TRAM1: variants seen among roughly 807,000 people sequenced by gnomAD.
The protein encoded by TRAM1 is translocation associated membrane protein 1.
A neutral mutation model predicts 48.7 loss-of-function variants in TRAM1; 17 were observed. The ratio of observed to expected loss-of-function variants is 0.35; its 90% CI spans 0.24 to 0.52. TRAM1 has a LOEUF of 0.52. Ranked by LOEUF, TRAM1 falls within the 20% of genes least tolerant of loss-of-function variation. The pLI, the probability that TRAM1 is intolerant of heterozygous loss-of-function variation, is 0.94. For synonymous variants in TRAM1, 182 were observed against 154.0 expected, an observed-to-expected ratio of 1.18 and a Z score of -1.34; for missense variants, 351 against 441.5, an observed-to-expected ratio of 0.79 and a Z score of 1.84.
chr8:70,586,913 T>C lies in TRAM1; in HGVS notation c.728A>G (p.Asn243Ser). The C allele has an allele frequency of 6.2e-7, 1 of 1,613,744 alleles. No individual in the cohort carries two copies. Among genetic ancestry groups the C allele is most frequent in the African/African-American group, 1.3e-5 (1 of 75,038 alleles). ...AACTTACCCTTTCTGATACTTTTCATTGCTAAAATAAAACAGGCGGGAAAT... is the reference window on the plus strand; with the variant it reads ...AACTTACCCTTTCTGATACTTTTCACTGCTAAAATAAAACAGGCGGGAAAT... ...FHISRLFYFS[N>S]EKYQKGFSLW... Residue 243 changes from asparagine to serine, a missense_variant, in exon 8 of 11, where the codon AAT becomes AGT. By Grantham distance (46) the Asn-to-Ser change is conservative (BLOSUM62 1). Transcript: ENST00000262213.
At chr8:70,606,167 T>C (rs1817713759) in intron 1 of TRAM1, among the ~76,000 whole-genome samples, 1 of 152,184 alleles carries the variant, frequency 6.6e-6, no homozygotes, top group Non-Finnish European at 1.5e-5. Context: ...AAGTATCAAA[T>C]TCAGAAAGTG....
chr8:70,607,635 G>C (rs1817773772), intron 1 of TRAM1: 1 of 302,764 alleles, frequency 3.3e-6, no homozygotes. Flanking sequence ...GCCCTCGCGG[G>C]GCTGACGCTC....
chr8:70,586,950 A>G lies in TRAM1; in HGVS notation c.691T>C (p.Phe231Leu), dbSNP rs974114119. Residue 231 changes from phenylalanine to leucine, a missense_variant, in exon 8 of 11, where the codon TTT (phenylalanine) becomes CTT (leucine). By Grantham distance (22) the Phe-to-Leu change is conservative. Transcript: ENST00000262213. The part of the protein sequence containing the change: ...VLLVLHYFVE[F>L]LFHISRLFYF... ...AACAGGCGGGAAATGTGGAAAAGAA[A>G]TTCAACAAAATAATGTAGCACCAGA... The G allele has an allele frequency of 6.2e-7, 1 of 1,613,808 alleles. No individual in the cohort carries two copies. The highest frequency in any genetic ancestry group is 8.5e-7 in the Non-Finnish European group (1 of 1,179,910).
At chr8:70,579,454 T>C (rs1163869848) in intron 10 of TRAM1, among the ~76,000 whole-genome samples, 1 of 152,232 alleles carries the variant, frequency 6.6e-6, no homozygotes, top group East Asian at 1.9e-4. Context: ...ACTATATAGT[T>C]TGAAACTACC....
intron 1 of TRAM1, among the ~76,000 whole-genome samples, chr8:70,605,368 C>T (rs534914913): frequency 7.9e-5 from 12 of 152,326 alleles, no homozygotes; most frequent in East Asian, 7.7e-4. Context: ...CTAACTTGAA[C>T]ATGAATCCCT....
In TRAM1 at chr8:70,574,250, CAAGA is replaced by C. The variant is rs750580987; in HGVS notation, c.*678_*681del. On this transcript the variant is annotated 3_prime_UTR_variant, in exon 11 of 11. Transcript: ENST00000262213. ...CCAGTTTACAAGTATTGAAAATGCACAAGAAAGATTTTACTTCACAAGTACTTTT... is the reference window on the plus strand; with the variant it reads ...CCAGTTTACAAGTATTGAAAATGCACAAGATTTTACTTCACAAGTACTTTT... 1.7e-5 allele frequency: 7 copies of C among 412,264 alleles called. No homozygotes were observed. The highest frequency in any genetic ancestry group is 2.8e-5 in the Non-Finnish European group (6 of 213,532). 25.5% of individuals were successfully genotyped at this position (412,264 alleles called of 1,614,324 possible).
intron 1 of TRAM1, among the ~76,000 whole-genome samples, chr8:70,601,210 T>TA (rs1817602136): frequency 6.6e-6 from 1 of 152,110 alleles, no homozygotes; most frequent in Non-Finnish European, 1.5e-5. Context: ...CCCTACCTGC[T>TA]AAAAATCCTT....
At chr8:70,589,459 GCCAGTGTTTC>G (rs1256889045) in intron 6 of TRAM1, among the ~76,000 whole-genome samples, 4 of 152,134 alleles carry the variant, frequency 2.6e-5, no homozygotes, top group Admixed American at 6.5e-5. Context: ...CTATATATAT[GCCAGTGTTTC>G]CCAGTGTGGT....
In TRAM1 at chr8:70,577,227, T is replaced by A. The variant is rs550933744; in HGVS notation, c.1052-2222A>T. Reference sequence around the variant, plus strand: ...CTTGGTGTGGGTCTGTAGGCACCCCTTGGCATGACCAGCCTAGGCACCACG... The same window carrying A: ...CTTGGTGTGGGTCTGTAGGCACCCCATGGCATGACCAGCCTAGGCACCACG... On this transcript the variant is annotated intron_variant, in intron 10 of 10. Transcript: ENST00000262213. Among the ~76,000 whole-genome samples, 40 of 152,218 alleles carry A rather than the reference T, an allele frequency of 2.6e-4. 1 individual carries two copies. The highest frequency in any genetic ancestry group is 9.4e-4 in the African/African-American group (39 of 41,544).
chr8:70,574,226 C>T lies in TRAM1; in HGVS notation c.*706G>A, dbSNP rs746190265. 2 of 407,142 alleles carry T rather than the reference C, an allele frequency of 4.9e-6. No homozygotes were observed. The highest frequency in any genetic ancestry group is 3.7e-5 in the South Asian group (2 of 54,564). The allele number at this position is 407,142 out of a possible 1,614,324, so 25.2% of individuals were successfully genotyped here. A position where few individuals can be genotyped will look rare whatever the true frequency, so the allele number is the denominator to read the frequency against. Reference sequence around the variant, plus strand: ...TTCATAGTAAATATTTTCTGATTTCCAGTTTACAAGTATTGAAAATGCACA... The same window carrying T: ...TTCATAGTAAATATTTTCTGATTTCTAGTTTACAAGTATTGAAAATGCACA... On this transcript the variant is annotated 3_prime_UTR_variant, in exon 11 of 11. Transcript: ENST00000262213.
In TRAM1 at chr8:70,580,488, T is replaced by C. The variant is rs140544140; in HGVS notation, c.1051+2676A>G. Among the ~76,000 whole-genome samples, 51 of 152,054 alleles carry C rather than the reference T, an allele frequency of 3.4e-4. No homozygotes were observed. In the East Asian group the frequency reaches 5.6e-3, roughly 17 times the overall value. ...TCAATAGATGCAGGAAAAAAAGCAATTGACAAAATCTAACAACCTTCCATG... is the reference window on the plus strand; with the variant it reads ...TCAATAGATGCAGGAAAAAAAGCAACTGACAAAATCTAACAACCTTCCATG... On this transcript the variant is annotated intron_variant, in intron 10 of 10. Coordinates refer to ENST00000262213, the MANE Select transcript of TRAM1 (RefSeq NM_014294.6).
At position 70,596,325 on chromosome 8, in the gene TRAM1, A is replaced by T; in HGVS notation, c.427-4T>A. On this transcript the variant is annotated splice_polypyrimidine_tract_variant and splice_region_variant and intron_variant, in intron 4 of 10. Coordinates refer to ENST00000262213, the MANE Select transcript of TRAM1 (RefSeq NM_014294.6). Reference sequence around the variant, plus strand: ...TTGGGTCTGAGATGTAGTTTTCCTAAGAAAGAAGATATAAAAATTAACCTG... The same window carrying T: ...TTGGGTCTGAGATGTAGTTTTCCTATGAAAGAAGATATAAAAATTAACCTG... 1 of 1,590,808 alleles carries T rather than the reference A, an allele frequency of 6.3e-7. No homozygotes were observed. The highest frequency in any genetic ancestry group is 8.5e-7 in the Non-Finnish European group (1 of 1,170,224).
Position 70,583,730 on chromosome 8 carries a change from C to A in TRAM1, c.810G>T (p.Leu270=). The change falls in exon 9 of 11, where the codon CTG becomes CTT. Residue 270 remains leucine, a synonymous_variant. Transcript: ENST00000262213. ...CTCTTGCAAGGCCAAAACCAACAGTCAGTACTGAAAGAATTAAAGTCAGAA... is the reference window on the plus strand; with the variant it reads ...CTCTTGCAAGGCCAAAACCAACAGTAAGTACTGAAAGAATTAAAGTCAGAA... ...GRLLTLILSV[L]TVGFGLARAE... The A allele has an allele frequency of 6.2e-7, 1 of 1,611,570 alleles. No homozygotes were observed. Among genetic ancestry groups the A allele is most frequent in the South Asian group, 1.1e-5 (1 of 90,642 alleles).
At chr8:70,599,436 A>G (rs1022802002) in intron 2 of TRAM1, among the ~76,000 whole-genome samples, 2 of 152,244 alleles carry the variant, frequency 1.3e-5, no homozygotes, top group Admixed American at 6.5e-5. Context: ...TTAAATTACA[A>G]TCAACTTCCA....
chr8:70,577,466 T>G (rs2132022597), intron 10 of TRAM1, among the ~76,000 whole-genome samples: 1 of 152,330 alleles, frequency 6.6e-6, no homozygotes, highest in South Asian at 2.1e-4. Flanking sequence ...ATAAAAATCC[T>G]GGACTCAGCC....
intron 10 of TRAM1, among the ~76,000 whole-genome samples, chr8:70,580,295 A>C (rs971447908): frequency 6.6e-6 from 1 of 152,224 alleles, no homozygotes; most frequent in Admixed American, 6.5e-5. Flanking sequence ...AGACACAAAA[A>C]AACCTGAACA....
intron 1 of TRAM1, chr8:70,607,505 T>C (rs1335938461): frequency 1.3e-5 from 13 of 985,088 alleles, no homozygotes; most frequent in African/African-American, 1.7e-5. Flanking sequence ...AGCAGATGCC[T>C]GACTCCGGTT....
intron 2 of TRAM1, 38 bp from the exon 3 acceptor site, chr8:70,598,293 C>A: frequency 6.4e-7 from 1 of 1,561,992 alleles, no homozygotes. Flanking sequence ...CAAAAATATA[C>A]ACAAGGTTAT....
At chr8:70,593,058 G>C (rs530879016) in intron 6 of TRAM1, among the ~76,000 whole-genome samples, 2 of 152,268 alleles carry the variant, frequency 1.3e-5, no homozygotes, top group African/African-American at 2.4e-5. Flanking sequence ...TCTGAAGACA[G>C]TTCTAAATCA....
Sources: allele counts gnomAD v4.1 joint callset (sites outside exome capture counted in the v4.1 genomes callset), GRCh38; gene constraint gnomAD v4.1.1; transcripts MANE v1.5; gene names NCBI Gene and HGNC (gene_info 2026-07-23, HGNC 2026-07-21).